BMP6: variants seen among roughly 807,000 people sequenced by gnomAD.
BMP6 encodes the protein bone morphogenetic protein 6, also known as VG-1-R.
A neutral mutation model predicts 54.1 loss-of-function variants in BMP6; 17 were observed. The ratio of observed to expected loss-of-function variants is 0.31; its 90% CI spans 0.22 to 0.47. The LOEUF (loss-of-function observed/expected upper bound fraction) is 0.47, where lower values mean the gene tolerates loss of function less well. BMP6 is among the 20% of genes least tolerant of loss of function. BMP6 has a pLI of 1.00. For missense variants in BMP6, 720 were observed against 690.4 expected, an observed-to-expected ratio of 1.04 and a Z score of -0.48; for synonymous variants, 328 against 291.2, an observed-to-expected ratio of 1.13 and a Z score of -1.28.
intron 1 of BMP6, among the ~76,000 whole-genome samples, chr6:7,839,687 A>G (rs1472083824): frequency 1.3e-5 from 2 of 152,196 alleles, no homozygotes; most frequent in Admixed American, 6.5e-5. Context: ...TCTGTACCAC[A>G]TTGTGTTTAC....
At chr6:7,767,080 G>A (rs1027026951) in intron 1 of BMP6, among the ~76,000 whole-genome samples, 1 of 150,986 alleles carries the variant, frequency 6.6e-6, no homozygotes, top group Admixed American at 6.6e-5. Flanking sequence ...TCCACCTCCC[G>A]GGTTCACGCC....
chr6:7,879,212 G>A, intron 5 of BMP6, 62 bp downstream of exon 5: 1 of 1,516,566 alleles, frequency 6.6e-7, no homozygotes, highest in Admixed American at 1.7e-5. Context: ...CATCTGAATG[G>A]TGGCAGCCAT....
intron 1 of BMP6, among the ~76,000 whole-genome samples, chr6:7,795,075 A>AG (rs1375850820): frequency 1.3e-5 from 2 of 152,214 alleles, no homozygotes; most frequent in Non-Finnish European, 2.9e-5. Context: ...CAGTTAAGGA[A>AG]GGAAAGCATG....
At chr6:7,745,813 A>C (rs933416034) in intron 1 of BMP6, among the ~76,000 whole-genome samples, 1 of 151,952 alleles carries the variant, frequency 6.6e-6, no homozygotes, top group Non-Finnish European at 1.5e-5. Context: ...GAGGTGAAAA[A>C]AAAAAGAGGC....
At chr6:7,749,540 G>T (rs1757391657) in intron 1 of BMP6, among the ~76,000 whole-genome samples, 1 of 152,146 alleles carries the variant, frequency 6.6e-6, no homozygotes, top group African/African-American at 2.4e-5. Context: ...ATGGTCAAAG[G>T]AACTATAGCC....
chr6:7,830,405 TC>T (rs1758776207), intron 1 of BMP6, among the ~76,000 whole-genome samples: 1 of 152,148 alleles, frequency 6.6e-6, no homozygotes, highest in African/African-American at 2.4e-5. Context: ...TTCACTGATT[TC>T]CCCAGCCTCT....
intron 1 of BMP6, among the ~76,000 whole-genome samples, chr6:7,820,403 G>A (rs267807): frequency 0.37 from 56,500 of 152,074 alleles, 11,605 homozygotes; most frequent in East Asian, 0.73. Flanking sequence ...CTCGCAAATC[G>A]AAAGCTCTGA....
intron 1 of BMP6, among the ~76,000 whole-genome samples, chr6:7,803,847 C>T (rs147009413): frequency 1.7e-3 from 256 of 152,034 alleles, no homozygotes; most frequent in Non-Finnish European, 6.3e-4. Flanking sequence ...CATAAATGAA[C>T]GCTGCATTTT....
chr6:7,807,246 C>T (rs532373516), intron 1 of BMP6, among the ~76,000 whole-genome samples: 2 of 152,242 alleles, frequency 1.3e-5, no homozygotes, highest in East Asian at 1.9e-4. Context: ...GTCCATGGAC[C>T]AGCAGCATCA....
At chr6:7,759,693 C>CT (rs1417534809) in intron 1 of BMP6, among the ~76,000 whole-genome samples, 35 of 80,062 alleles carry the variant, frequency 4.4e-4, no homozygotes, top group Non-Finnish European at 6.6e-4. Context: ...TTTCTTTCTT[C>CT]TTCTTTTTTT....
intron 1 of BMP6, among the ~76,000 whole-genome samples, chr6:7,831,356 G>GT (rs1342844328): frequency 1.3e-5 from 2 of 152,180 alleles, no homozygotes; most frequent in Admixed American, 1.3e-4. Flanking sequence ...CGATGAAAAT[G>GT]TTTTGGAATC....
chr6:7,800,234 G>T (rs542259416), intron 1 of BMP6, among the ~76,000 whole-genome samples: 23 of 152,132 alleles, frequency 1.5e-4, no homozygotes, highest in African/African-American at 5.3e-4. Context: ...TATAAAGTGG[G>T]ATAATCCTTA....
rs151238063 is a variant in BMP6 at position 7,836,315 on chromosome 6, G to A, written c.665-8825G>A. 2.1e-3 allele frequency among the ~76,000 whole-genome samples: 316 copies of A among 152,214 alleles called. 2 individuals are homozygous for A. The East Asian group carries it at 0.022, about 10-fold the overall frequency. On this transcript the variant is annotated intron_variant, in intron 1 of 6. Transcript: ENST00000283147. Reference sequence around the variant, plus strand: ...TGGATATCTTCTTAAAAAGTCATTTGGAATAAAAGGGTAGCCCCAGAGAGT... The same window carrying A: ...TGGATATCTTCTTAAAAAGTCATTTAGAATAAAAGGGTAGCCCCAGAGAGT...
At chr6:7,770,368 T>A (rs1757764377) in intron 1 of BMP6, among the ~76,000 whole-genome samples, 1 of 152,048 alleles carries the variant, frequency 6.6e-6, no homozygotes, top group African/African-American at 2.4e-5. Flanking sequence ...GAAAGAAAAA[T>A]CCCTTAAGGA....
At chr6:7,825,600 A>G (rs915863045) in intron 1 of BMP6, among the ~76,000 whole-genome samples, 9 of 152,024 alleles carry the variant, frequency 5.9e-5, no homozygotes, top group Non-Finnish European at 1.3e-4. Context: ...CATGCCTGTA[A>G]TCACTGCTAC....
chr6:7,815,080 T>C (rs907563743), intron 1 of BMP6, among the ~76,000 whole-genome samples: 2 of 152,258 alleles, frequency 1.3e-5, no homozygotes, highest in Admixed American at 1.3e-4. Flanking sequence ...AAATCACCTC[T>C]TGTAAGATTA....
intron 1 of BMP6, among the ~76,000 whole-genome samples, chr6:7,768,054 T>G (rs1050578286): frequency 6.6e-6 from 1 of 152,114 alleles, no homozygotes; most frequent in Non-Finnish European, 1.5e-5. Flanking sequence ...ATAGGTATTT[T>G]CCTTCTCTTC....
intron 1 of BMP6, among the ~76,000 whole-genome samples, chr6:7,813,099 AAAAAAAAAAATATATATAT>A (rs1253288212): frequency 8.4e-5 from 4 of 47,736 alleles, no homozygotes; most frequent in Non-Finnish European, 1.4e-4. Flanking sequence ...AAAAAAAAAA[AAAAAAAAAAATATATATAT>A]ATATATATAT....
chr6:7,864,695 C>T (rs1486589553), intron 4 of BMP6, among the ~76,000 whole-genome samples: 2 of 152,148 alleles, frequency 1.3e-5, no homozygotes, highest in Non-Finnish European at 2.9e-5. Context: ...ATCCACCGCC[C>T]AGCGTGATGT....
Sources: allele counts gnomAD v4.1 joint callset (sites outside exome capture counted in the v4.1 genomes callset), GRCh38; gene constraint gnomAD v4.1.1; transcripts MANE v1.5; gene names NCBI Gene and HGNC (gene_info 2026-07-23, HGNC 2026-07-21).